Variants in IFRD1 observed in about 807,000 individuals in gnomAD.
IFRD1 encodes the protein interferon-related developmental regulator 1.
IFRD1 carries 35 observed loss-of-function variants against 52.9 expected under a neutral mutation model. That is an observed-to-expected ratio of 0.66 (90% confidence interval 0.51 to 0.88). The LOEUF (loss-of-function observed/expected upper bound fraction) is 0.88. Among genes scored for constraint, IFRD1 ranks in the 40% least tolerant of loss-of-function variants. The pLI is 0.00. For missense variants in IFRD1, 517 were observed against 550.8 expected (o/e 0.94, Z 0.61); for synonymous variants, 184 against 188.4 (o/e 0.98, Z 0.19).
At chr7:112,465,612 T>C (rs186222826) in intron 8 of IFRD1, among the ~76,000 whole-genome samples, 37 of 152,314 alleles carry the variant, frequency 2.4e-4, no homozygotes, top group Non-Finnish European at 4.4e-4. Context: ...ATATTTCTAA[T>C]AGTTCATTTC....
rs151068777 is a variant in IFRD1, at chr7:112,475,864, A to G, written c.*345A>G. ...ACTGATTTACTATAATGATATATAC[A>G]TGCAAGATATTTAACTTAATATCTT... On this transcript the variant is annotated 3_prime_UTR_variant, in exon 12 of 12. Transcript: ENST00000403825. 1.3e-3 allele frequency: 249 copies of G among 198,092 alleles called. 1 individual carries two copies. Among genetic ancestry groups the G allele is most frequent in the African/African-American group, 5.4e-3 (229 of 42,272 alleles). 12.3% of individuals were successfully genotyped at this position (198,092 alleles called of 1,614,324 possible).
At chr7:112,434,873 T>C (rs1406108600) in intron 1 of IFRD1, among the ~76,000 whole-genome samples, 1 of 152,216 alleles carries the variant, frequency 6.6e-6, no homozygotes, top group Non-Finnish European at 1.5e-5. Flanking sequence ...GATCACAACC[T>C]AACACTTTCC....
At position 112,476,696 on chromosome 7, in the gene IFRD1, A is replaced by G. The variant is rs1795912507; in HGVS notation, c.*1177A>G. The stretch of plus-strand genomic sequence containing the variant: ...TGCTGCTTGTTTGCCCATGAGGTAT[A>G]TTTCTTTCATTTTATGAAAAGCATT... On this transcript the variant is annotated 3_prime_UTR_variant, in exon 12 of 12. Coordinates refer to ENST00000403825, the MANE Select transcript of IFRD1 (RefSeq NM_001550.4). 6.6e-6 allele frequency: 1 copy of G among 152,178 alleles called. No individual in the cohort carries two copies. The highest frequency in any genetic ancestry group is 1.5e-5 in the Non-Finnish European group (1 of 68,034). 9.4% of individuals were successfully genotyped at this position (152,178 alleles called of 1,614,324 possible). A position where few individuals can be genotyped will look rare whatever the true frequency, so the allele number is the denominator to read the frequency against.
intron 1 of IFRD1, chr7:112,451,952 T>A: frequency 2.1e-6 from 2 of 965,914 alleles, no homozygotes; most frequent in Non-Finnish European, 2.5e-6. Flanking sequence ...AACTGGCATT[T>A]AAAAAAGCTC....
chr7:112,466,300 C>T (rs1795607258), intron 8 of IFRD1, among the ~76,000 whole-genome samples: 3 of 151,802 alleles, frequency 2.0e-5, no homozygotes, highest in Admixed American at 1.3e-4. Flanking sequence ...TTCTAAACTA[C>T]TTAGCATTTA....
rs982161133 is a variant in IFRD1, at chr7:112,443,575, A to C, written c.-181-6933A>C. 2.1e-5 allele frequency among the ~76,000 whole-genome samples: 3 copies of C among 146,264 alleles called. No homozygotes were observed. In the Admixed American group the frequency reaches 2.1e-4, roughly 10 times the overall value. On this transcript the variant is annotated intron_variant, in intron 1 of 12. Coordinates refer to the IFRD1 transcript ENST00000005558. ...GACAGAGGGAGACCCATCTCAAAAA[A>C]AGCCCCCCAAAAACGGCCGAGTGTG...
intron 8 of IFRD1, among the ~76,000 whole-genome samples, chr7:112,465,801 G>T (rs759039302): frequency 1.3e-5 from 2 of 152,092 alleles, no homozygotes; most frequent in East Asian, 3.8e-4. Context: ...AAACTGCCTC[G>T]TATGGTTGTG....
intron 1 of IFRD1, among the ~76,000 whole-genome samples, chr7:112,454,390 G>C (rs1002352147): frequency 2.0e-5 from 3 of 151,818 alleles, no homozygotes; most frequent in African/African-American, 7.3e-5. Context: ...ACTGGGTTTC[G>C]CCATGTTGGC....
At chr7:112,472,689 A>G (rs1381256620) in intron 10 of IFRD1, 77 bp from the exon 11 acceptor site, 1 of 938,024 alleles carries the variant, frequency 1.1e-6, no homozygotes, top group African/African-American at 1.6e-5. Flanking sequence ...ACTTCTGTTA[A>G]TCAGAGTCAC....
At chr7:112,465,253 G>A (rs1385401334) in intron 8 of IFRD1, among the ~76,000 whole-genome samples, 2 of 152,060 alleles carry the variant, frequency 1.3e-5, no homozygotes, top group Non-Finnish European at 2.9e-5. Context: ...TTAATACTTA[G>A]CTATCCAAGA....
At chr7:112,469,326 A>G (rs1251351259) in intron 9 of IFRD1, among the ~76,000 whole-genome samples, 1 of 152,176 alleles carries the variant, frequency 6.6e-6, no homozygotes, top group Non-Finnish European at 1.5e-5. Context: ...AAAATCTAGG[A>G]TACAAATTAG....
chr7:112,470,897 A>G (rs1795729308), intron 9 of IFRD1, among the ~76,000 whole-genome samples: 1 of 152,216 alleles, frequency 6.6e-6, no homozygotes, highest in Admixed American at 6.5e-5. Flanking sequence ...GAATATTTTC[A>G]GTCCATGGTT....
At chr7:112,427,934 C>T (rs999344710) in intron 1 of IFRD1, among the ~76,000 whole-genome samples, 4 of 152,088 alleles carry the variant, frequency 2.6e-5, no homozygotes, top group Admixed American at 6.5e-5. Flanking sequence ...TGCTGAGTGC[C>T]TTGATGGAGC....
intron 1 of IFRD1, among the ~76,000 whole-genome samples, chr7:112,430,019 T>A (rs1391820727): frequency 1.3e-5 from 2 of 152,216 alleles, no homozygotes; most frequent in Non-Finnish European, 2.9e-5. Flanking sequence ...CCTCTCCATG[T>A]CTGTTCCATG....
exon 1 of IFRD1, chr7:112,423,243 G>C (rs757628052): frequency 1.3e-5 from 2 of 152,172 alleles, no homozygotes; most frequent in Non-Finnish European, 2.9e-5. Flanking sequence ...CCCAGTATTT[G>C]ATGTTCCTTT....
At chr7:112,468,137 A>C (rs1192801480) in intron 9 of IFRD1, 22 bp downstream of exon 9, 1 of 1,611,572 alleles carries the variant, frequency 6.2e-7, no homozygotes, top group Non-Finnish European at 8.5e-7. Context: ...AAATGCTGTA[A>C]TAGCTTCTCA....
rs556292053 is a variant in IFRD1 at position 112,458,727 on chromosome 7, C to T, written c.410-134C>T. ...CTCTTTAGCCTAAGTTTGTAACTTA[C>T]ATCAAAGCCTGGAGCATGGGGTTTC... On this transcript the variant is annotated intron_variant, in intron 4 of 11. Transcript: ENST00000403825. 95 of 781,202 alleles carry T rather than the reference C, an allele frequency of 1.2e-4. 1 individual carries two copies. Among genetic ancestry groups the T allele is most frequent in the Middle Eastern group, 4.9e-4 (2 of 4,118 alleles). 48.4% of individuals were successfully genotyped at this position (781,202 alleles called of 1,614,324 possible).
intron 1 of IFRD1, among the ~76,000 whole-genome samples, chr7:112,437,582 A>G (rs1225939577): frequency 6.6e-6 from 1 of 152,028 alleles, no homozygotes; most frequent in African/African-American, 2.4e-5. Context: ...TGGTAAAGCC[A>G]GGGTTCAAAT....
At position 112,456,050 on chromosome 7, in the gene IFRD1, A is replaced by C; in HGVS notation, c.248A>C (p.Lys83Thr). 6.2e-7 allele frequency: 1 copy of C among 1,608,644 alleles called. No homozygotes were observed. The highest frequency in any genetic ancestry group is 8.5e-7 in the Non-Finnish European group (1 of 1,175,124). ...EEGTQEDLEY[K>T]LKGLIDLTLD... ...GGAACTCAAGAAGACCTAGAGTACA[A>C]GTTGAAGGGATTAATTGACCTAACC... is the stretch of plus-strand genomic sequence containing the variant. The change falls in exon 3 of 12, where the codon AAG (lysine) becomes ACG (threonine). Residue 83 changes from lysine (K) to threonine (T), a missense_variant. Lys to Thr is a moderately conservative substitution (Grantham distance 78). Coordinates refer to ENST00000403825, the MANE Select transcript of IFRD1 (RefSeq NM_001550.4).
Sources: gnomAD v4.1 joint callset for allele counts (sites outside exome capture counted in the v4.1 genomes callset) on GRCh38, gnomAD v4.1.1 for gene constraint, MANE v1.5 for transcripts, NCBI Gene and HGNC (gene_info 2026-07-23, HGNC 2026-07-21) for gene names.